ARSG: variants seen among roughly 807,000 people sequenced by gnomAD.
The protein encoded by ARSG is arylsulfatase G.
A neutral mutation model predicts 50.5 loss-of-function variants in ARSG; 37 were observed. The ratio of observed to expected loss-of-function variants is 0.73; its 90% CI spans 0.56 to 0.96. The LOEUF (loss-of-function observed/expected upper bound fraction) is 0.96. ARSG is among the 50% of genes least tolerant of loss of function. The probability of loss-of-function intolerance (pLI) is 0.00; values close to 1 mark genes in which losing one functional copy is unlikely to be tolerated. For synonymous variants in ARSG, 225 were observed against 254.6 expected (o/e 0.88, Z 1.11); for missense variants, 629 against 675.3 (o/e 0.93, Z 0.76).
At chr17:68,449,594 GT>G in the ARSG span, among the ~76,000 whole-genome samples, 2 of 152,146 alleles carry the variant, frequency 1.3e-5, no homozygotes, top group East Asian at 1.9e-4. Flanking sequence ...ACGAGACCTG[GT>G]TGTTTAATAG....
downstream of ARSG, among the ~76,000 whole-genome samples, chr17:68,425,762 G>C (rs900718138): frequency 3.9e-4 from 59 of 152,150 alleles, no homozygotes; most frequent in African/African-American, 1.3e-3. Context: ...TACCTTCCAG[G>C]CAGCAAAGTC....
intron 2 of ARSG, among the ~76,000 whole-genome samples, chr17:68,324,226 G>A (rs895698164): frequency 6.6e-6 from 1 of 152,146 alleles, no homozygotes. Context: ...TTCCTGTGTA[G>A]CTTGTGCACA....
chr17:68,291,314 C>T (rs1444666944), upstream of ARSG: 1 of 146,982 alleles, frequency 6.8e-6, no homozygotes, highest in African/African-American at 2.5e-5. Flanking sequence ...GCCCCCCACC[C>T]CGGCCGCCTG....
chr17:68,267,195 T>C (rs1555746674), intron 1 of ARSG: 1 of 152,222 alleles, frequency 6.6e-6, no homozygotes, highest in Non-Finnish European at 1.5e-5. Flanking sequence ...GATAACAGAA[T>C]AGACATGGAG....
At chr17:68,437,005 A>AAAATATAT in the ARSG span, among the ~76,000 whole-genome samples, 9 of 107,264 alleles carry the variant, frequency 8.4e-5, no homozygotes, top group African/African-American at 2.1e-4. Flanking sequence ...AAAAAAAAAA[A>AAAATATAT]ATATATATAT....
the ARSG span, among the ~76,000 whole-genome samples, chr17:68,434,066 G>A: frequency 6.2e-3 from 941 of 152,064 alleles, 12 homozygotes; most frequent in African/African-American, 0.021. Context: ...CACCGCGCCC[G>A]GCCCATAGTC....
intron 10 of ARSG, 194 bp from the exon 11 acceptor site, chr17:68,401,166 G>A: frequency 3.5e-6 from 2 of 564,986 alleles, no homozygotes; most frequent in Non-Finnish European, 6.4e-6. Context: ...AGGACCACAG[G>A]TGTGCACCAC....
At chr17:68,266,475 A>G (rs1555746477) in intron 1 of ARSG, among the ~76,000 whole-genome samples, 1 of 93,982 alleles carries the variant, frequency 1.1e-5, no homozygotes, top group Non-Finnish European at 2.2e-5. Flanking sequence ...GTATATATAT[A>G]CTTTTTTTTT....
downstream of ARSG, chr17:68,426,992 C>A: frequency 1.5e-6 from 1 of 683,600 alleles, no homozygotes. Context: ...CACTCCACCC[C>A]CAGGTAACAG....
chr17:68,302,702 GAGA>G (rs1318451082), intron 1 of ARSG, among the ~76,000 whole-genome samples: 1 of 152,172 alleles, frequency 6.6e-6, no homozygotes, highest in Non-Finnish European at 1.5e-5. Flanking sequence ...GGGGGTCGTG[GAGA>G]AGAATAGGAA....
At chr17:68,403,477 G>A (rs1175162066) in intron 11 of ARSG, among the ~76,000 whole-genome samples, 1 of 152,200 alleles carries the variant, frequency 6.6e-6, no homozygotes, top group African/African-American at 2.4e-5. Flanking sequence ...GGATGAAACA[G>A]GGGCATGTTC....
chr17:68,407,356 C>G (rs1410551722), intron 11 of ARSG, among the ~76,000 whole-genome samples: 29 of 152,008 alleles, frequency 1.9e-4, no homozygotes, highest in Admixed American at 1.9e-3. Flanking sequence ...TATGCAAGCT[C>G]TTTTTTGTTT....
At position 68,271,218 on chromosome 17, in the gene ARSG, G is replaced by A. The variant is rs782409393; in HGVS notation, c.-552+11792G>A. 5.6e-6 allele frequency: 9 copies of A among 1,613,958 alleles called. No individual in the cohort carries two copies. The highest frequency in any genetic ancestry group is 3.3e-4 in the Middle Eastern group (2 of 6,084). On this transcript the variant is annotated intron_variant, in intron 1 of 11. Transcript: ENST00000448504. The surrounding 1 kb of genome is among the most constrained non-coding windows in gnomAD (Gnocchi z 5.3). ...CCAGACTAATGCCCAGAGGAATGAT[G>A]TACAAGGAAGGTGCAAAGAATCCCA...
chr17:68,261,472 T>C (rs562506597), intron 1 of ARSG, among the ~76,000 whole-genome samples: 1 of 152,250 alleles, frequency 6.6e-6, no homozygotes, highest in African/African-American at 2.4e-5. Flanking sequence ...TTCTGCCTCC[T>C]GGGCTCAAGT....
intron 8 of ARSG, among the ~76,000 whole-genome samples, chr17:68,380,864 G>A (rs112191849): frequency 1.3e-5 from 2 of 152,204 alleles, no homozygotes; most frequent in Admixed American, 6.5e-5. Flanking sequence ...TATGAATTCT[G>A]CCCAAGACCA....
At chr17:68,326,153 C>A (rs1175886733) in intron 2 of ARSG, among the ~76,000 whole-genome samples, 5 of 152,176 alleles carry the variant, frequency 3.3e-5, no homozygotes, top group Admixed American at 2.6e-4. Context: ...GAAGACAAAT[C>A]CCTGAACAAG....
At chr17:68,439,563 TTCCGTGAATA>T in the ARSG span, among the ~76,000 whole-genome samples, 1 of 152,208 alleles carries the variant, frequency 6.6e-6, no homozygotes, top group Non-Finnish European at 1.5e-5. Context: ...GGTTACACAA[TTCCGTGAATA>T]TACCAAAAGC....
rs1012168273 is a variant in ARSG, at chr17:68,333,672, A to G, written c.219-9932A>G. ...AATAATAATAATAATAATAATAATA[A>G]TAAAAGAGTAATAAGAGTTGTTATA... On this transcript the variant is annotated intron_variant, in intron 2 of 11. Coordinates refer to ENST00000621439, the MANE Select transcript of ARSG (RefSeq NM_001267727.2). Among the ~76,000 whole-genome samples, 66 of 139,120 alleles carry G rather than the reference A, an allele frequency of 4.7e-4. 1 individual carries two copies. Among genetic ancestry groups the G allele is most frequent in the African/African-American group, 1.6e-3 (61 of 38,076 alleles). 91.3% of individuals were successfully genotyped at this position (139,120 alleles called of 152,430 possible). A position where few individuals can be genotyped will look rare whatever the true frequency, so the allele number is the denominator to read the frequency against.
chr17:68,288,356 A>C (rs533075841), upstream of ARSG, among the ~76,000 whole-genome samples: 1 of 152,308 alleles, frequency 6.6e-6, no homozygotes, highest in South Asian at 2.1e-4. Context: ...CTGTCTCTGC[A>C]AACAAAGCAA....
Sources: allele counts gnomAD v4.1 joint callset (sites outside exome capture counted in the v4.1 genomes callset), GRCh38; gene constraint gnomAD v4.1.1; non-coding constraint Gnocchi (gnomAD v3.1); transcripts MANE v1.5; gene names NCBI Gene and HGNC (gene_info 2026-07-23, HGNC 2026-07-21).